The following TAFA1 variants were observed in gnomAD, a reference collection of about 807,000 sequenced individuals.
The protein encoded by TAFA1 is chemokine-like protein TAFA-1.
TAFA1 carries 4 observed loss-of-function variants against 18.5 expected under a neutral mutation model. The observed-to-expected ratio is 0.22, with a 90% CI of 0.11 to 0.49. TAFA1 has a LOEUF of 0.49. TAFA1 is among the 20% of genes least tolerant of loss of function. The pLI, the probability that TAFA1 is intolerant of heterozygous loss-of-function variation, is 0.98. For missense variants in TAFA1, 147 were observed against 169.0 expected, an observed-to-expected ratio of 0.87 and a Z score of 0.72; for synonymous variants, 56 against 55.2, an observed-to-expected ratio of 1.01 and a Z score of -0.06.
chr3:68,168,873 T>C lies in TAFA1; in HGVS notation c.118+162129T>C, dbSNP rs1575657473. Among the ~76,000 whole-genome samples the C allele has an allele frequency of 2.0e-5, 3 of 152,230 alleles. No homozygotes were observed. In the East Asian group the frequency reaches 5.8e-4, roughly 29 times the overall value. On this transcript the variant is annotated intron_variant, in intron 2 of 4. Transcript: ENST00000478136. ...ACTGTTCTGGAAGCTGGATGCAATT[T>C]CTACCTTCTCTGAACTTTTGAAGTA...
chr3:68,176,154 A>G (rs1337970281), intron 2 of TAFA1, among the ~76,000 whole-genome samples: 1 of 152,186 alleles, frequency 6.6e-6, no homozygotes, highest in African/African-American at 2.4e-5. Context: ...CGTCTTTATC[A>G]GCAGCATGAA....
At chr3:68,402,084 T>C (rs2070504894) in intron 2 of TAFA1, among the ~76,000 whole-genome samples, 1 of 152,238 alleles carries the variant, frequency 6.6e-6, no homozygotes. Context: ...GCCAGCCTGC[T>C]TTGCCATAGC....
intron 2 of TAFA1, among the ~76,000 whole-genome samples, chr3:68,067,373 A>G (rs552439991): frequency 1.3e-5 from 2 of 151,882 alleles, no homozygotes; most frequent in African/African-American, 4.8e-5. Flanking sequence ...TCTGTTATTC[A>G]CTCCATCATT....
chr3:68,518,106 G>A (rs1384140408), intron 3 of TAFA1, among the ~76,000 whole-genome samples: 1 of 152,072 alleles, frequency 6.6e-6, no homozygotes, highest in Non-Finnish European at 1.5e-5. Context: ...TGATCCTTTA[G>A]CACTCATTGC....
rs115914733 is a variant in TAFA1, at chr3:68,147,682, T to C, written c.118+140938T>C. Among the ~76,000 whole-genome samples, 343 of 151,522 alleles carry C rather than the reference T, an allele frequency of 2.3e-3. 2 individuals are homozygous for C. Among genetic ancestry groups the C allele is most frequent in the Non-Finnish European group, 3.2e-3 (219 of 67,664 alleles). On this transcript the variant is annotated intron_variant, in intron 2 of 4. Transcript: ENST00000478136. ...CAATTTTCTGAAACACTTGAAAGAT[T>C]TGAGGGCAAAACATTTTTTTTGTAG...
chr3:68,439,412 CATATATATATATATAT>C (rs57059146), intron 3 of TAFA1, among the ~76,000 whole-genome samples: 5 of 73,462 alleles, frequency 6.8e-5, no homozygotes, highest in African/African-American at 2.9e-4. Flanking sequence ...TATATACATA[CATATATATATATATAT>C]ATATATATAT....
At chr3:68,524,602 C>G (rs1266641655) in intron 3 of TAFA1, among the ~76,000 whole-genome samples, 1 of 152,156 alleles carries the variant, frequency 6.6e-6, no homozygotes, top group Admixed American at 6.5e-5. Flanking sequence ...TTCCCCATCT[C>G]CCAGGATCCT....
intron 2 of TAFA1, among the ~76,000 whole-genome samples, chr3:68,318,006 G>A (rs555961656): frequency 2.6e-4 from 40 of 152,190 alleles, no homozygotes; most frequent in African/African-American, 8.4e-4. Context: ...TGGCCAAGTC[G>A]TCTGCCAAAC....
chr3:68,145,595 G>T (rs2065729455), intron 2 of TAFA1: 2 of 1,487,858 alleles, frequency 1.3e-6, no homozygotes, highest in South Asian at 2.3e-5. Context: ...ACAGCAGTTA[G>T]CCAGACTGAC....
At chr3:68,229,999 G>A in intron 2 of TAFA1, among the ~76,000 whole-genome samples, 1 of 152,052 alleles carries the variant, frequency 6.6e-6, no homozygotes, top group East Asian at 1.9e-4. Context: ...ATACACAAGA[G>A]TTGTACATGT....
At chr3:68,377,516 G>A (rs1388509187) in intron 2 of TAFA1, among the ~76,000 whole-genome samples, 1 of 152,182 alleles carries the variant, frequency 6.6e-6, no homozygotes, top group Non-Finnish European at 1.5e-5. Context: ...TAAAAAGGAA[G>A]CAGAGCTAAA....
intron 2 of TAFA1, among the ~76,000 whole-genome samples, chr3:68,312,321 C>A (rs2068534547): frequency 6.6e-6 from 1 of 152,210 alleles, no homozygotes; most frequent in Non-Finnish European, 1.5e-5. Context: ...GATTTCTCCC[C>A]AGAAAATGGG....
At chr3:68,362,008 A>C (rs1422421858) in intron 2 of TAFA1, among the ~76,000 whole-genome samples, 2 of 152,132 alleles carry the variant, frequency 1.3e-5, no homozygotes, top group African/African-American at 4.8e-5. Context: ...TAATTTTGAA[A>C]ACTAAAATGG....
chr3:68,087,514 CCCTT>C (rs1421364332), intron 2 of TAFA1, among the ~76,000 whole-genome samples: 166 of 144,764 alleles, frequency 1.1e-3, no homozygotes, highest in Non-Finnish European at 1.5e-3. Flanking sequence ...TTTCTTCCCT[CCCTT>C]CCTTCCTCCC....
chr3:68,197,931 G>A (rs562415477), intron 2 of TAFA1, among the ~76,000 whole-genome samples: 58 of 151,828 alleles, frequency 3.8e-4, no homozygotes, highest in African/African-American at 1.3e-3. Flanking sequence ...GGTCCTGCTA[G>A]AATGTAAGTT....
chr3:68,331,049 C>T (rs1294889833), intron 2 of TAFA1, among the ~76,000 whole-genome samples: 1 of 134,540 alleles, frequency 7.4e-6, no homozygotes, highest in Admixed American at 7.9e-5. Context: ...AAATGTCCAT[C>T]AGCTGATGAA....
chr3:68,062,275 T>G (rs185042059), intron 2 of TAFA1, among the ~76,000 whole-genome samples: 13 of 152,318 alleles, frequency 8.5e-5, no homozygotes, highest in African/African-American at 3.1e-4. Context: ...GAAGCTCCTA[T>G]GCTTTTGTTA....
At chr3:68,329,333 T>C (rs922086121) in intron 2 of TAFA1, among the ~76,000 whole-genome samples, 1 of 150,638 alleles carries the variant, frequency 6.6e-6, no homozygotes, top group Non-Finnish European at 1.5e-5. Context: ...CCCAAAGTGC[T>C]GGGATTACAG....
intron 2 of TAFA1, among the ~76,000 whole-genome samples, chr3:68,270,407 A>G (rs1559591335): frequency 6.6e-6 from 1 of 152,288 alleles, no homozygotes; most frequent in East Asian, 1.9e-4. Flanking sequence ...CAAACCTCTT[A>G]TGTTGCCTAC....
Sources: gnomAD v4.1 joint callset for allele counts (sites outside exome capture counted in the v4.1 genomes callset) on GRCh38, gnomAD v4.1.1 for gene constraint, MANE v1.5 for transcripts, NCBI Gene and HGNC (gene_info 2026-07-23, HGNC 2026-07-21) for gene names.